The following RFX2 variants were observed in gnomAD, a reference collection of about 807,000 sequenced individuals.
The protein encoded by RFX2 is DNA-binding protein RFX2.
RFX2 carries 20 observed loss-of-function variants against 87.8 expected under a neutral mutation model. The ratio of observed to expected loss-of-function variants is 0.23; its 90% CI spans 0.16 to 0.33. The LOEUF is 0.33. RFX2 is among the 10% of genes least tolerant of loss of function. The probability of loss-of-function intolerance (pLI) is 1.00; values close to 1 mark genes in which losing one functional copy is unlikely to be tolerated. For synonymous variants in RFX2, 397 were observed against 431.3 expected, an observed-to-expected ratio of 0.92 and a Z score of 0.98; for missense variants, 767 against 1,012.3, an observed-to-expected ratio of 0.76 and a Z score of 3.29.
intron 2 of RFX2, among the ~76,000 whole-genome samples, chr19:6,046,651 A>G (rs962963125): frequency 7.9e-6 from 1 of 125,942 alleles, no homozygotes; most frequent in Admixed American, 9.7e-5. Context: ...GTTGGAGAGC[A>G]GTGGTATGAT....
chr19:6,045,133 C>A lies in RFX2; in HGVS notation c.91-851G>T, dbSNP rs891284935. On this transcript the variant is annotated intron_variant, in intron 2 of 17. Transcript: ENST00000303657. This position sits in a 1 kb window ranked among gnomAD's most constrained non-coding sequence, Gnocchi z 5.2. ...AGCAGTGACTGCCATATATACATCA[C>A]GAGGGGTGATGGGTGAGGACACGCC... 2.0e-5 allele frequency among the ~76,000 whole-genome samples: 3 copies of A among 152,138 alleles called. No homozygotes were observed. The highest frequency in any genetic ancestry group is 7.2e-5 in the African/African-American group (3 of 41,430).
In RFX2 at chr19:6,047,706, G is replaced by A. The variant is rs571835016; in HGVS notation, c.-8-202C>T. ...GTCCCACAGAAGGAGAGAGGGGCCA[G>A]AGAAAGTTTTCCAAATATAAAACCC... On this transcript the variant is annotated intron_variant, in intron 1 of 17. Transcript: ENST00000303657. This position sits in a 1 kb window ranked among gnomAD's most constrained non-coding sequence, Gnocchi z 4.2. Among the ~76,000 whole-genome samples the A allele has an allele frequency of 3.7e-4, 57 of 152,348 alleles. No homozygotes were observed. The highest frequency in any genetic ancestry group is 1.3e-3 in the African/African-American group (56 of 41,584).
rs1481660332 is a variant in RFX2 at position 6,001,812 on chromosome 19, A to AT, written c.1859+2_1859+3insA. Reference sequence around the variant, plus strand: ...ATTCTCTCGGAGGTCTGGTGGGACTAACCTGTAAAAGGACCATTTCAGCAA... The same window carrying AT: ...ATTCTCTCGGAGGTCTGGTGGGACTATACCTGTAAAAGGACCATTTCAGCAA... On this transcript the variant is annotated splice_region_variant and intron_variant, in intron 15 of 17. Coordinates refer to ENST00000303657, the MANE Select transcript of RFX2 (RefSeq NM_000635.4). This position sits in a 1 kb window ranked among gnomAD's most constrained non-coding sequence, Gnocchi z 5.6. 3 of 1,601,282 alleles carry AT rather than the reference A, an allele frequency of 1.9e-6. No homozygotes were observed. Among genetic ancestry groups the AT allele is most frequent in the Admixed American group, 3.4e-5 (2 of 59,210 alleles).
At chr19:6,108,613 C>T (rs944632571) in intron 1 of RFX2, among the ~76,000 whole-genome samples, 3 of 152,126 alleles carry the variant, frequency 2.0e-5, no homozygotes, top group African/African-American at 4.8e-5. Flanking sequence ...AAGAACTCAT[C>T]GAAGCCTGCG....
intron 1 of RFX2, among the ~76,000 whole-genome samples, chr19:6,059,609 C>CTCTGTCCCCCAGGAGTGGATA (rs921709768): frequency 6.6e-6 from 1 of 152,146 alleles, no homozygotes; most frequent in Non-Finnish European, 1.5e-5. Flanking sequence ...GCAGCTGGTG[C>CTCTGTCCCCCAGGAGTGGATA]TCTGTCCCCC....
intron 1 of RFX2, among the ~76,000 whole-genome samples, chr19:6,099,224 GA>G (rs1370116272): frequency 6.6e-6 from 1 of 152,112 alleles, no homozygotes; most frequent in Non-Finnish European, 1.5e-5. Context: ...CTGGGACATA[GA>G]ATTCGGGATT....
intron 5 of RFX2, among the ~76,000 whole-genome samples, chr19:6,037,260 G>T (rs1221455485): frequency 6.6e-6 from 1 of 150,700 alleles, no homozygotes; most frequent in Non-Finnish European, 1.5e-5. Flanking sequence ...CTCCAGCCTG[G>T]GCGACAGAGA....
rs1167309319 is a variant in RFX2 at position 6,050,656 on chromosome 19, G to A, written c.-8-3152C>T. On this transcript the variant is annotated intron_variant, in intron 1 of 17. Transcript: ENST00000303657. This position sits in a 1 kb window ranked among gnomAD's most constrained non-coding sequence, Gnocchi z 4.6. ...ATAAAAAGCATTTACCCAATCTGAAGAATGAAGAGAAAATATATGAAGAAA... is the reference window on the plus strand; with the variant it reads ...ATAAAAAGCATTTACCCAATCTGAAAAATGAAGAGAAAATATATGAAGAAA... 6.6e-6 allele frequency among the ~76,000 whole-genome samples: 1 copy of A among 152,026 alleles called. No homozygotes were observed. Among genetic ancestry groups the A allele is most frequent in the Non-Finnish European group, 1.5e-5 (1 of 68,016 alleles).
Position 6,022,930 on chromosome 19 carries a change from G to A in RFX2, c.597+3233C>T, listed in dbSNP as rs1008958940. Among the ~76,000 whole-genome samples, 2 of 152,208 alleles carry A rather than the reference G, an allele frequency of 1.3e-5. No homozygotes were observed. The highest frequency in any genetic ancestry group is 2.4e-5 in the African/African-American group (1 of 41,462). On this transcript the variant is annotated intron_variant, in intron 6 of 17. Coordinates refer to ENST00000303657, the MANE Select transcript of RFX2 (RefSeq NM_000635.4). The surrounding 1 kb of genome is among the most constrained non-coding windows in gnomAD (Gnocchi z 6.2). ...AATACACCTTCCCTCCTGAGACAGC[G>A]CAGAGGAGGGAACCAGCTCCGCGGA...
chr19:6,072,443 CTG>C (rs1168057657), intron 1 of RFX2, among the ~76,000 whole-genome samples: 5 of 152,188 alleles, frequency 3.3e-5, no homozygotes, highest in Non-Finnish European at 5.9e-5. Context: ...TGGCTCATGT[CTG>C]TAATCCCAGC....
chr19:6,074,048 C>G lies in RFX2; in HGVS notation c.-8-26544G>C, dbSNP rs955833694. Among the ~76,000 whole-genome samples, 2 of 152,200 alleles carry G rather than the reference C, an allele frequency of 1.3e-5. No homozygotes were observed. The highest frequency in any genetic ancestry group is 3.8e-4 in the East Asian group (2 of 5,200). On this transcript the variant is annotated intron_variant, in intron 1 of 17. Transcript: ENST00000303657. The surrounding 1 kb of genome is among the most constrained non-coding windows in gnomAD (Gnocchi z 5.2). ...AGGCCGGCCCTGGGTAGCAGGAACT[C>G]GTTCTGCCCCAGCTGAGGTTCTGGG... is the stretch of plus-strand genomic sequence containing the variant.
At chr19:6,051,638 G>T (rs1243903385) in intron 1 of RFX2, among the ~76,000 whole-genome samples, 1 of 152,078 alleles carries the variant, frequency 6.6e-6, no homozygotes, top group Admixed American at 6.6e-5. Flanking sequence ...CAAACAAACA[G>T]ATGGCACAAA....
chr19:6,084,540 G>A (rs2087829278), intron 1 of RFX2, among the ~76,000 whole-genome samples: 1 of 151,922 alleles, frequency 6.6e-6, no homozygotes, highest in African/African-American at 2.4e-5. Context: ...CCCAGCCCCT[G>A]GCACCCACCA....
chr19:6,104,721 T>C (rs1409128463), intron 1 of RFX2, among the ~76,000 whole-genome samples: 2 of 152,184 alleles, frequency 1.3e-5, no homozygotes, highest in Admixed American at 6.5e-5. Flanking sequence ...TCTCAACTCT[T>C]CATTTCTACA....
chr19:5,997,483 C>T lies in RFX2; in HGVS notation c.1860-270G>A, dbSNP rs376973212. ...GGGAGATGGGCAGTCAGCCCCAAAG[C>T]GACAGGCTGCGGGAAACAACTGTGG... On this transcript the variant is annotated intron_variant, in intron 15 of 17. Transcript: ENST00000303657. The surrounding 1 kb of genome is among the most constrained non-coding windows in gnomAD (Gnocchi z 4.2). 49 of 401,766 alleles carry T rather than the reference C, an allele frequency of 1.2e-4. No homozygotes were observed. In the East Asian group the frequency reaches 1.7e-3, roughly 14 times the overall value. 24.9% of individuals were successfully genotyped at this position (401,766 alleles called of 1,614,324 possible). A position where few individuals can be genotyped will look rare whatever the true frequency, so the allele number is the denominator to read the frequency against.
rs1450404734 is a variant in RFX2 at position 6,026,382 on chromosome 19, G to A, written c.523-145C>T. On this transcript the variant is annotated intron_variant, in intron 5 of 17. Transcript: ENST00000303657. This position sits in a 1 kb window ranked among gnomAD's most constrained non-coding sequence, Gnocchi z 4.5. ...CTACAAAATAAAAATGAGGCTCCAC[G>A]CAGGCAGGGCGGGGGTGAGTTAAAT... 1.6e-5 allele frequency: 11 copies of A among 700,400 alleles called. No homozygotes were observed. The highest frequency in any genetic ancestry group is 3.7e-5 in the South Asian group (2 of 54,538). The allele number at this position is 700,400 out of a possible 1,614,324, so 43.4% of individuals were successfully genotyped here. A position where few individuals can be genotyped will look rare whatever the true frequency, so the allele number is the denominator to read the frequency against.
At chr19:6,095,685 G>T (rs1350082014) in intron 1 of RFX2, among the ~76,000 whole-genome samples, 1 of 152,032 alleles carries the variant, frequency 6.6e-6, no homozygotes, top group Non-Finnish European at 1.5e-5. Flanking sequence ...GGGGGAAATA[G>T]GATGGACCAC....
At chr19:6,049,272 T>C (rs1458366290) in intron 1 of RFX2, 1 of 152,202 alleles carries the variant, frequency 6.6e-6, no homozygotes, top group African/African-American at 2.4e-5. Context: ...AGGAGATAAT[T>C]TGACTAGAAC....
chr19:6,064,511 TGGA>T lies in RFX2; in HGVS notation c.-8-17010_-8-17008del, dbSNP rs2087482982. Among the ~76,000 whole-genome samples the T allele has an allele frequency of 6.6e-6, 1 of 152,198 alleles. No individual in the cohort carries two copies. Among genetic ancestry groups the T allele is most frequent in the South Asian group, 2.1e-4 (1 of 4,836 alleles). On this transcript the variant is annotated intron_variant, in intron 1 of 17. Transcript: ENST00000303657. The surrounding 1 kb of genome is among the most constrained non-coding windows in gnomAD (Gnocchi z 4.8). ...CAGAGCGACTCATGCTGCCAGAGGGTGGAGGAGTGGACCTTGAAATGACAAGTG... is the reference window on the plus strand; with the variant it reads ...CAGAGCGACTCATGCTGCCAGAGGGTGGAGTGGACCTTGAAATGACAAGTG...
Sources: allele counts gnomAD v4.1 joint callset (sites outside exome capture counted in the v4.1 genomes callset), GRCh38; gene constraint gnomAD v4.1.1; non-coding constraint Gnocchi (gnomAD v3.1); transcripts MANE v1.5; gene names NCBI Gene and HGNC (gene_info 2026-07-23, HGNC 2026-07-21).